Variants in TRIO observed in about 807,000 individuals in gnomAD.
TRIO encodes the protein triple functional domain protein.
TRIO carries 58 observed loss-of-function variants against 351.9 expected under a neutral mutation model. That is an observed-to-expected ratio of 0.16 (90% CI 0.13 to 0.21). The LOEUF is 0.21. TRIO is among the 10% of genes least tolerant of loss of function. The probability of loss-of-function intolerance (pLI) is 1.00; values close to 1 mark genes in which losing one functional copy is unlikely to be tolerated. For synonymous variants in TRIO, 1,758 were observed against 1,595.7 expected, an observed-to-expected ratio of 1.10 and a Z score of -2.42; for missense variants, 3,201 against 4,027.8, an observed-to-expected ratio of 0.79 and a Z score of 5.56.
chr5:14,363,367 TCTTA>T lies in TRIO; in HGVS notation c.2392-362_2392-359del, dbSNP rs536926009. Reference sequence around the variant, plus strand: ...TTCTTTCTTTTTGACTTTTAGCTTCTCTTACTATTTTTGAACACCATTAGGAATA... The same window carrying T: ...TTCTTTCTTTTTGACTTTTAGCTTCTCTATTTTTGAACACCATTAGGAATA... On this transcript the variant is annotated intron_variant, in intron 13 of 56. Transcript: ENST00000344204. 3.8e-4 allele frequency among the ~76,000 whole-genome samples: 58 copies of T among 152,324 alleles called. 1 individual carries two copies. The East Asian group carries it at 0.01, about 27-fold the overall frequency.
intron 34 of TRIO, among the ~76,000 whole-genome samples, chr5:14,421,985 G>A (rs1750202753): frequency 1.3e-5 from 2 of 152,322 alleles, no homozygotes; most frequent in South Asian, 4.1e-4. Context: ...GTGAAGAGGG[G>A]TGCTGCCCCC....
At chr5:14,163,951 A>T (rs954276857) in intron 1 of TRIO, among the ~76,000 whole-genome samples, 3 of 152,196 alleles carry the variant, frequency 2.0e-5, no homozygotes, top group African/African-American at 7.2e-5. Context: ...TCTCCAGATA[A>T]TTCCTGAGTT....
chr5:14,471,293 T>A, intron 37 of TRIO, 25 bp from the exon 38 acceptor site: 7 of 1,612,268 alleles, frequency 4.3e-6, no homozygotes, highest in Non-Finnish European at 5.9e-6. Flanking sequence ...CAGTAAGTGT[T>A]GTTGATTATG....
chr5:14,402,790 T>A (rs894547968), intron 31 of TRIO, among the ~76,000 whole-genome samples: 3 of 151,124 alleles, frequency 2.0e-5, no homozygotes, highest in African/African-American at 7.3e-5. Flanking sequence ...GGTGGTGAGG[T>A]TGTAGATGGA....
intron 21 of TRIO, 105 bp downstream of exon 21, chr5:14,381,357 T>C (rs1274314592): frequency 1.4e-6 from 2 of 1,390,390 alleles, no homozygotes; most frequent in African/African-American, 1.4e-5. Context: ...GATGACCCAG[T>C]GGGCTGTTCC....
At chr5:14,161,195 A>G (rs1788432297) in intron 1 of TRIO, among the ~76,000 whole-genome samples, 1 of 152,136 alleles carries the variant, frequency 6.6e-6, no homozygotes, top group Admixed American at 6.5e-5. Flanking sequence ...GTGAGCTACC[A>G]TGCCTGGCTC....
chr5:14,317,984 A>G (rs542403681), intron 9 of TRIO, among the ~76,000 whole-genome samples: 2 of 152,136 alleles, frequency 1.3e-5, no homozygotes, highest in Non-Finnish European at 2.9e-5. Flanking sequence ...AAAATTAGCC[A>G]GGTGTGGTGG....
At chr5:14,453,182 G>T (rs1418530546) in intron 34 of TRIO, among the ~76,000 whole-genome samples, 1 of 152,118 alleles carries the variant, frequency 6.6e-6, no homozygotes, top group Non-Finnish European at 1.5e-5. Context: ...AAGAAGGAAT[G>T]AATTTGAATT....
chr5:14,160,179 G>A (rs1435360856), intron 1 of TRIO, among the ~76,000 whole-genome samples: 2 of 152,202 alleles, frequency 1.3e-5, no homozygotes, highest in African/African-American at 2.4e-5. Flanking sequence ...CTTCTCGCCA[G>A]TTATATACAT....
At chr5:14,254,230 C>G (rs1794905236) in intron 1 of TRIO, among the ~76,000 whole-genome samples, 1 of 151,194 alleles carries the variant, frequency 6.6e-6, no homozygotes, top group Non-Finnish European at 1.5e-5. Flanking sequence ...GTCACCCAGG[C>G]TGGAGTGCGA....
intron 16 of TRIO, among the ~76,000 whole-genome samples, chr5:14,368,180 C>G (rs1166803440): frequency 6.6e-6 from 1 of 152,158 alleles, no homozygotes; most frequent in African/African-American, 2.4e-5. Context: ...ATGGCATGGA[C>G]CTCCAGAGAA....
At chr5:14,490,733 A>G (rs1376473435) in intron 48 of TRIO, 2 of 452,168 alleles carry the variant, frequency 4.4e-6, no homozygotes, top group Admixed American at 2.4e-5. Context: ...ATGCCCAGAA[A>G]ATACTAATAG....
Position 14,316,758 on chromosome 5 carries a change from A to G in TRIO, c.1731+15A>G. 6.2e-7 allele frequency: 1 copy of G among 1,606,794 alleles called. No homozygotes were observed. Among genetic ancestry groups the G allele is most frequent in the Non-Finnish European group, 8.5e-7 (1 of 1,175,972 alleles). ...ACGTTCAGCAGGTCAGTTTCGCCTC[A>G]TGCCCTTCTGCATGGGAAATGGCTT... On this transcript the variant is annotated intron_variant, in intron 9 of 56. Transcript: ENST00000344204.
At chr5:14,433,031 T>A (rs1751302421) in intron 34 of TRIO, among the ~76,000 whole-genome samples, 1 of 152,244 alleles carries the variant, frequency 6.6e-6, no homozygotes, top group South Asian at 2.1e-4. Flanking sequence ...GTTACTTTTT[T>A]GAGAAACACG....
intron 34 of TRIO, among the ~76,000 whole-genome samples, chr5:14,436,058 C>T (rs530379289): frequency 6.6e-6 from 1 of 152,140 alleles, no homozygotes; most frequent in African/African-American, 2.4e-5. Context: ...TTTCTGTTTC[C>T]CCTCCTCCAT....
intron 11 of TRIO, among the ~76,000 whole-genome samples, chr5:14,347,569 G>A (rs980565040): frequency 2.0e-5 from 3 of 152,244 alleles, no homozygotes; most frequent in Non-Finnish European, 4.4e-5. Flanking sequence ...AAACTACTTT[G>A]CTGTGTTAAG....
chr5:14,252,886 C>G (rs944235497), intron 1 of TRIO, among the ~76,000 whole-genome samples: 1 of 151,970 alleles, frequency 6.6e-6, no homozygotes, highest in African/African-American at 2.4e-5. Context: ...GGAGCTGACC[C>G]CAGGGCACAC....
chr5:14,472,570 A>G (rs762563901), intron 38 of TRIO, 22 bp from the exon 39 acceptor site: 1 of 1,613,476 alleles, frequency 6.2e-7, no homozygotes, highest in South Asian at 1.1e-5. Context: ...TTTGCATGAT[A>G]AACAATATTT....
intron 2 of TRIO, among the ~76,000 whole-genome samples, chr5:14,279,024 T>C (rs1276331165): frequency 6.6e-6 from 1 of 152,196 alleles, no homozygotes; most frequent in Non-Finnish European, 1.5e-5. Context: ...TGATAAAACC[T>C]CTCAACAGAG....
Sources: gnomAD v4.1 joint callset for allele counts (sites outside exome capture counted in the v4.1 genomes callset) on GRCh38, gnomAD v4.1.1 for gene constraint, MANE v1.5 for transcripts, NCBI Gene and HGNC (gene_info 2026-07-23, HGNC 2026-07-21) for gene names.